Variants in AFAP1L2 observed in about 807,000 individuals in gnomAD.
AFAP1L2 encodes the protein actin filament-associated protein 1-like 2.
Under a neutral mutation model 99.3 loss-of-function variants are expected in AFAP1L2, and 46 were observed. That is an observed-to-expected ratio of 0.46 (90% CI 0.37 to 0.59). AFAP1L2 has a LOEUF of 0.59. AFAP1L2 is among the 20% of genes least tolerant of loss of function. The pLI is 0.00. For missense variants in AFAP1L2, 959 were observed against 1,034.9 expected, an observed-to-expected ratio of 0.93 and a Z score of 1.01; for synonymous variants, 397 against 419.1, an observed-to-expected ratio of 0.95 and a Z score of 0.64.
At chr10:114,383,337 G>A (rs2055978411) in intron 1 of AFAP1L2, among the ~76,000 whole-genome samples, 2 of 151,900 alleles carry the variant, frequency 1.3e-5, no homozygotes, top group Non-Finnish European at 2.9e-5. Flanking sequence ...AGGAAAAGGA[G>A]GAAGGGAAGG....
chr10:114,354,775 A>C (rs567471913), intron 1 of AFAP1L2, among the ~76,000 whole-genome samples: 1 of 152,356 alleles, frequency 6.6e-6, no homozygotes, highest in African/African-American at 2.4e-5. Flanking sequence ...AACTAGAGAA[A>C]GAGACAAAGC....
chr10:114,295,016 TAAAAAAAA>T lies in AFAP1L2; in HGVS notation c.*1018_*1025del. The T allele has an allele frequency of 4.5e-6, 4 of 883,822 alleles. No homozygotes were observed. The highest frequency in any genetic ancestry group is 2.7e-6 in the Non-Finnish European group (2 of 750,628). The allele number at this position is 883,822 out of a possible 1,614,324, so 54.7% of individuals were successfully genotyped here. On this transcript the variant is annotated 3_prime_UTR_variant, in exon 19 of 19. Transcript: ENST00000304129. ...ATAGATGAAATGTTTCAACCTGTGTTAAAAAAAAAAAAAAAAAAATGCCATCAGAGGAA... is the reference window on the plus strand; with the variant it reads ...ATAGATGAAATGTTTCAACCTGTGTTAAAAAAAAAAATGCCATCAGAGGAA...
intron 1 of AFAP1L2, among the ~76,000 whole-genome samples, chr10:114,370,797 T>C (rs977752066): frequency 2.0e-5 from 3 of 152,182 alleles, no homozygotes; most frequent in African/African-American, 7.2e-5. Context: ...TATCTTGCCA[T>C]TGGAGGTCAC....
At chr10:114,291,233 C>T (rs1041689297), downstream of AFAP1L2, 154 of 1,550,280 alleles carry the variant, frequency 9.9e-5, no homozygotes, top group Non-Finnish European at 1.3e-4. Context: ...TTGAGACGCC[C>T]CTGAGGCACA....
At chr10:114,283,207 C>T in the AFAP1L2 span, among the ~76,000 whole-genome samples, 122 of 152,192 alleles carry the variant, frequency 8.0e-4, 1 homozygote, top group Middle Eastern at 3.4e-3. Context: ...TTTGTTACTC[C>T]CGATGAGTAG....
chr10:114,404,590 G>A (rs542220429), upstream of AFAP1L2: 261 of 1,290,878 alleles, frequency 2.0e-4, 2 homozygotes, highest in East Asian at 6.9e-3. Flanking sequence ...CGGGGCCGCC[G>A]CGCCCAGGGT....
At chr10:114,370,021 C>A (rs1172359324) in intron 1 of AFAP1L2, among the ~76,000 whole-genome samples, 3 of 152,246 alleles carry the variant, frequency 2.0e-5, no homozygotes, top group South Asian at 2.1e-4. Flanking sequence ...AGCAGGGTGA[C>A]CCCAGGCCAG....
chr10:114,337,174 G>C (rs1159953145), intron 2 of AFAP1L2, among the ~76,000 whole-genome samples: 1 of 152,256 alleles, frequency 6.6e-6, no homozygotes, highest in Non-Finnish European at 1.5e-5. Context: ...AATGGAGCAG[G>C]GGGAGATAAG....
intron 10 of AFAP1L2, 45 bp downstream of exon 10, chr10:114,307,760 C>G (rs1184661094): frequency 6.4e-7 from 1 of 1,552,000 alleles, no homozygotes; most frequent in South Asian, 1.1e-5. Context: ...CAGGTTCCAG[C>G]CCAGGAAATG....
intron 1 of AFAP1L2, among the ~76,000 whole-genome samples, chr10:114,350,811 C>A (rs2050357972): frequency 6.6e-6 from 1 of 152,260 alleles, no homozygotes; most frequent in South Asian, 2.1e-4. Context: ...AAACCCGACC[C>A]CTGAGGCACT....
In AFAP1L2 at chr10:114,296,337, T is replaced by G. The variant is rs575843423; in HGVS notation, c.2431-269A>C. 2.5e-5 allele frequency: 12 copies of G among 485,022 alleles called. No individual in the cohort carries two copies. The South Asian group carries it at 3.4e-4, about 14-fold the overall frequency. The allele number at this position is 485,022 out of a possible 1,614,324, so 30.0% of individuals were successfully genotyped here. A position where few individuals can be genotyped will look rare whatever the true frequency, so the allele number is the denominator to read the frequency against. ...TCAGATGCTTGCATGGATTTATTGG[T>G]TAGCCATTGTTGTGGGACCTCCAAA... On this transcript the variant is annotated intron_variant, in intron 18 of 18. Transcript: ENST00000304129.
chr10:114,363,245 G>T (rs2052701583), intron 1 of AFAP1L2: 1 of 893,292 alleles, frequency 1.1e-6, no homozygotes, highest in Non-Finnish European at 1.3e-6. Flanking sequence ...CTCTTGGATG[G>T]TCCTTGAGCC....
At chr10:114,359,901 TTCACCAAGGACATATATG>T (rs55673848) in intron 1 of AFAP1L2, among the ~76,000 whole-genome samples, 93,142 of 151,688 alleles carry the variant, frequency 0.61, 29,455 homozygotes, top group Admixed American at 0.71. Flanking sequence ...ACTGGTGTCC[TTCACCAAGGACATATATG>T]TCACCAAGGA....
chr10:114,331,794 G>A lies in AFAP1L2; in HGVS notation c.315+9C>T. The A allele has an allele frequency of 7.2e-7, 1 of 1,380,442 alleles. No homozygotes were observed. The highest frequency in any genetic ancestry group is 3.0e-5 in the East Asian group (1 of 33,208). The allele number at this position is 1,380,442 out of a possible 1,614,324, so 85.5% of individuals were successfully genotyped here. A position where few individuals can be genotyped will look rare whatever the true frequency, so the allele number is the denominator to read the frequency against. ...TCAGGGAAATCAGGGGTCCTGAACT[G>A]ATGCTTACCATCTTGGGTGGCGGGA... On this transcript the variant is annotated intron_variant, in intron 4 of 18. Coordinates refer to ENST00000304129, the MANE Select transcript of AFAP1L2 (RefSeq NM_001001936.3).
intron 1 of AFAP1L2, among the ~76,000 whole-genome samples, chr10:114,371,938 T>C (rs1263798912): frequency 2.6e-5 from 4 of 152,176 alleles, no homozygotes; most frequent in African/African-American, 9.6e-5. Context: ...ATGGATAATA[T>C]GGGTGAGTCT....
chr10:114,349,383 C>CAAAAAAAAAAAAAAA (rs113553514), intron 1 of AFAP1L2, among the ~76,000 whole-genome samples: 1 of 86,252 alleles, frequency 1.2e-5, no homozygotes, highest in Non-Finnish European at 2.2e-5. Flanking sequence ...AACTCGGTCT[C>CAAAAAAAAAAAAAAA]AAAAAAAAAA....
intron 11 of AFAP1L2, among the ~76,000 whole-genome samples, chr10:114,303,366 G>C (rs1024434863): frequency 3.3e-5 from 5 of 152,202 alleles, no homozygotes; most frequent in South Asian, 2.1e-4. Flanking sequence ...GGAGTGCAGC[G>C]GTGGGATCTT....
intron 9 of AFAP1L2, 147 bp from the exon 10 acceptor site, chr10:114,308,056 A>G: frequency 1.4e-6 from 1 of 689,796 alleles, no homozygotes; most frequent in Non-Finnish European, 2.6e-6. Flanking sequence ...GCATACACAC[A>G]CACACATCTC....
Position 114,337,111 on chromosome 10 carries a change from G to A in AFAP1L2, c.145+3492C>T, listed in dbSNP as rs147862834. 6.8e-3 allele frequency among the ~76,000 whole-genome samples: 1,036 copies of A among 152,300 alleles called. 4 individuals are homozygous for A. Among genetic ancestry groups the A allele is most frequent in the Non-Finnish European group, 0.01 (704 of 68,024 alleles). On this transcript the variant is annotated intron_variant, in intron 2 of 18. Transcript: ENST00000304129. ...GAAAGAATGCTGTAATTTCAGGTGC[G>A]GTATGTGTGTTTACGATTCTGTCCT...
Sources: gnomAD v4.1 joint callset for allele counts (sites outside exome capture counted in the v4.1 genomes callset) on GRCh38, gnomAD v4.1.1 for gene constraint, MANE v1.5 for transcripts, NCBI Gene and HGNC (gene_info 2026-07-23, HGNC 2026-07-21) for gene names.